Variants in MBD2 observed in about 807,000 individuals in gnomAD.
MBD2 encodes the protein methyl-CpG-binding domain protein 2.
A neutral mutation model predicts 39.3 loss-of-function variants in MBD2; 9 were observed. That is an observed-to-expected ratio of 0.23 (90% CI 0.14 to 0.40). The LOEUF (loss-of-function observed/expected upper bound fraction) is 0.40. Ranked by LOEUF, MBD2 falls within the 10% of genes least tolerant of loss-of-function variation. The pLI is 1.00. For missense variants in MBD2, 458 were observed against 532.6 expected, an observed-to-expected ratio of 0.86 and a Z score of 1.38; for synonymous variants, 233 against 211.1, an observed-to-expected ratio of 1.10 and a Z score of -0.90.
chr18:54,191,838 C>G lies in MBD2; in HGVS notation c.703-2827G>C, dbSNP rs142189130. 4.6e-5 allele frequency among the ~76,000 whole-genome samples: 7 copies of G among 152,294 alleles called. No individual in the cohort carries two copies. The East Asian group carries it at 5.8e-4, about 13-fold the overall frequency. ...TTTTTTCCCCCAATGTCTCTGCTTA[C>G]CTTTAAAAGATATGCTCATCTCAAA... On this transcript the variant is annotated intron_variant, in intron 2 of 6. Coordinates refer to ENST00000256429, the MANE Select transcript of MBD2 (RefSeq NM_003927.5).
intron 6 of MBD2, among the ~76,000 whole-genome samples, chr18:54,157,407 C>T (rs1423040810): frequency 6.6e-6 from 1 of 151,960 alleles, no homozygotes; most frequent in Non-Finnish European, 1.5e-5. Flanking sequence ...ATTACAGGTG[C>T]CCGCCACCAT....
chr18:54,157,526 G>A (rs2086061780), intron 6 of MBD2, among the ~76,000 whole-genome samples: 1 of 152,172 alleles, frequency 6.6e-6, no homozygotes, highest in South Asian at 2.1e-4. Context: ...CTCCCAAAGT[G>A]CTGGGATTAT....
At chr18:54,157,743 A>G (rs542592783) in intron 6 of MBD2, among the ~76,000 whole-genome samples, 1 of 152,206 alleles carries the variant, frequency 6.6e-6, no homozygotes, top group African/African-American at 2.4e-5. Flanking sequence ...TGCAATCCCT[A>G]CCCTTAGCCT....
intron 3 of MBD2, among the ~76,000 whole-genome samples, chr18:54,180,005 A>G (rs1168297217): frequency 6.6e-6 from 1 of 152,146 alleles, no homozygotes; most frequent in African/African-American, 2.4e-5. Flanking sequence ...AAAGAATCAT[A>G]GGTGACTTAA....
chr18:54,206,839 T>C (rs1242594482), intron 1 of MBD2, among the ~76,000 whole-genome samples: 1 of 152,172 alleles, frequency 6.6e-6, no homozygotes, highest in East Asian at 1.9e-4. Context: ...AACTCTAACC[T>C]AGACTTCCAG....
intron 1 of MBD2, among the ~76,000 whole-genome samples, chr18:54,216,415 A>C (rs936082845): frequency 6.6e-6 from 1 of 152,220 alleles, no homozygotes; most frequent in Non-Finnish European, 1.5e-5. Flanking sequence ...TGCTTCACTT[A>C]GCGAAGATTT....
intron 1 of MBD2, among the ~76,000 whole-genome samples, chr18:54,209,387 G>GA (rs1446010693): frequency 6.6e-6 from 1 of 151,190 alleles, no homozygotes; most frequent in African/African-American, 2.4e-5. Flanking sequence ...GGCAATGAAG[G>GA]AAAAAAGGTA....
intron 3 of MBD2, among the ~76,000 whole-genome samples, chr18:54,170,185 A>G (rs1239238517): frequency 6.6e-6 from 1 of 152,240 alleles, no homozygotes; most frequent in Admixed American, 6.5e-5. Context: ...ACGGAAGCAT[A>G]GTTGCATGTA....
intron 2 of MBD2, among the ~76,000 whole-genome samples, chr18:54,199,050 T>C (rs1301619558): frequency 5.3e-5 from 8 of 152,160 alleles, no homozygotes; most frequent in South Asian, 2.1e-4. Flanking sequence ...CTAAAGAGGA[T>C]TGGGACTAAG....
rs1368821947 is a variant in MBD2 at position 54,224,202 on chromosome 18, CGCCGCCACCGCT to C, written c.346_357del (p.Ser116_Gly119del). 8 of 1,191,672 alleles carry C rather than the reference CGCCGCCACCGCT, an allele frequency of 6.7e-6. No individual in the cohort carries two copies. The African/African-American group carries it at 9.7e-5, about 14-fold the overall frequency. 73.8% of individuals were successfully genotyped at this position (1,191,672 alleles called of 1,614,324 possible). A position where few individuals can be genotyped will look rare whatever the true frequency, so the allele number is the denominator to read the frequency against. ...GGGACCGGCTCCCGCCGGGGGGCGC[CGCCGCCACCGCT>C]GCCGCCGCCGCCGCAGCCGCCGCCG... On this transcript the variant is annotated inframe_deletion, in exon 1 of 7. Transcript: ENST00000256429.
Position 54,153,289 on chromosome 18 carries a change from G to A in MBD2, c.*2035C>T, listed in dbSNP as rs2086032819. On this transcript the variant is annotated 3_prime_UTR_variant, in exon 7 of 7. Coordinates refer to ENST00000256429, the MANE Select transcript of MBD2 (RefSeq NM_003927.5). ...TGGAGAAGATGGCTTGCTTTTACCA[G>A]AGTGAGGGAATGGAAGAGGGTGGTA... 6.6e-6 allele frequency: 1 copy of A among 152,302 alleles called. No homozygotes were observed. Among genetic ancestry groups the A allele is most frequent in the African/African-American group, 2.4e-5 (1 of 41,442 alleles). The allele number at this position is 152,302 out of a possible 1,614,324, so 9.4% of individuals were successfully genotyped here. A position where few individuals can be genotyped will look rare whatever the true frequency, so the allele number is the denominator to read the frequency against.
chr18:54,159,903 C>T lies in MBD2; in HGVS notation c.1110G>A (p.Arg370=), dbSNP rs1318267187. 1.1e-5 allele frequency: 17 copies of T among 1,611,196 alleles called. No homozygotes were observed. The highest frequency in any genetic ancestry group is 1.3e-5 in the Non-Finnish European group (15 of 1,179,858). ...KAFIVTDEDI[R]KQEERVQQVR... ...CTTGCTGTACTCGCTCTTCCTGTTT[C>T]CTTTTTAAAAACAGAATAAAAAGGC... is the stretch of plus-strand genomic sequence containing the variant. Residue 370 remains arginine (R), a splice_region_variant and synonymous_variant, in exon 6 of 7, where the codon AGG becomes AGA. Transcript: ENST00000256429.
intron 2 of MBD2, among the ~76,000 whole-genome samples, chr18:54,194,317 G>T (rs890861641): frequency 6.6e-6 from 1 of 151,898 alleles, no homozygotes; most frequent in Non-Finnish European, 1.5e-5. Flanking sequence ...CTCTTCAATG[G>T]TTATAAATTT....
At position 54,152,543 on chromosome 18, in the gene MBD2, C is replaced by T. The variant is rs2086028255; in HGVS notation, c.*2781G>A. 2 of 152,212 alleles carry T rather than the reference C, an allele frequency of 1.3e-5. No homozygotes were observed. The highest frequency in any genetic ancestry group is 4.8e-5 in the African/African-American group (2 of 41,440). 9.4% of individuals were successfully genotyped at this position (152,212 alleles called of 1,614,324 possible). On this transcript the variant is annotated 3_prime_UTR_variant, in exon 7 of 7. Transcript: ENST00000256429. Reference sequence around the variant, plus strand: ...CACATCCTTGCTCTCATGGAGCTTACATTCTAGTAGAGAAATAGACAAAAA... The same window carrying T: ...CACATCCTTGCTCTCATGGAGCTTATATTCTAGTAGAGAAATAGACAAAAA...
chr18:54,203,566 A>ATG (rs1273382220), intron 2 of MBD2, among the ~76,000 whole-genome samples: 2 of 152,214 alleles, frequency 1.3e-5, no homozygotes, highest in Non-Finnish European at 2.9e-5. Context: ...TAAACAAAGG[A>ATG]CCTGCCAATG....
At chr18:54,189,825 T>C (rs542531378) in intron 2 of MBD2, among the ~76,000 whole-genome samples, 1 of 152,082 alleles carries the variant, frequency 6.6e-6, no homozygotes, top group East Asian at 1.9e-4. Flanking sequence ...TTTTTGTATT[T>C]TTTTTGTAGA....
At chr18:54,204,027 C>G (rs1362282138) in intron 2 of MBD2, among the ~76,000 whole-genome samples, 1 of 152,184 alleles carries the variant, frequency 6.6e-6, no homozygotes, top group African/African-American at 2.4e-5. Flanking sequence ...AGTAGCAGAG[C>G]CAGTTCACCA....
At position 54,224,229 on chromosome 18, in the gene MBD2, A is replaced by AGCCGCC; in HGVS notation, c.325_330dup (p.Gly109_Gly110dup). 3.6e-6 allele frequency: 3 copies of AGCCGCC among 829,028 alleles called. No homozygotes were observed. The highest frequency in any genetic ancestry group is 3.0e-6 in the Non-Finnish European group (2 of 675,268). The allele number at this position is 829,028 out of a possible 1,614,324, so 51.4% of individuals were successfully genotyped here. A position where few individuals can be genotyped will look rare whatever the true frequency, so the allele number is the denominator to read the frequency against. On this transcript the variant is annotated inframe_insertion, in exon 1 of 7. Coordinates refer to ENST00000256429, the MANE Select transcript of MBD2 (RefSeq NM_003927.5). ...CCGCCACCGCTGCCGCCGCCGCCGC[A>AGCCGCC]GCCGCCGCCGTCGCCGCCAAGGCCG...
intron 1 of MBD2, among the ~76,000 whole-genome samples, chr18:54,219,475 G>A (rs1373846671): frequency 6.6e-6 from 1 of 152,174 alleles, no homozygotes; most frequent in South Asian, 2.1e-4. Flanking sequence ...CAAGTTCTAA[G>A]TAAATGAATA....
Sources: gnomAD v4.1 joint callset for allele counts (sites outside exome capture counted in the v4.1 genomes callset) on GRCh38, gnomAD v4.1.1 for gene constraint, MANE v1.5 for transcripts, NCBI Gene and HGNC (gene_info 2026-07-23, HGNC 2026-07-21) for gene names.